Variants in LRRC4C observed in about 807,000 individuals in gnomAD.
The protein encoded by LRRC4C is leucine-rich repeat-containing protein 4C.
A neutral mutation model predicts 33.6 loss-of-function variants in LRRC4C; 5 were observed. The observed-to-expected ratio is 0.15, with a 90% confidence interval of 0.08 to 0.31. LRRC4C has a LOEUF of 0.31. Ranked by LOEUF, LRRC4C falls within the 10% of genes least tolerant of loss-of-function variation. The pLI is 1.00. For missense variants in LRRC4C, 560 were observed against 796.7 expected, an observed-to-expected ratio of 0.70 and a Z score of 3.58; for synonymous variants, 329 against 302.0, an observed-to-expected ratio of 1.09 and a Z score of -0.93.
chr11:40,154,434 A>G (rs947383722), intron 5 of LRRC4C, among the ~76,000 whole-genome samples: 3 of 152,172 alleles, frequency 2.0e-5, no homozygotes, highest in Non-Finnish European at 4.4e-5. Context: ...ATGGATAAGA[A>G]CTCACCAACC....
At chr11:41,444,957 C>T (rs1294496280) in intron 1 of LRRC4C, among the ~76,000 whole-genome samples, 1 of 152,076 alleles carries the variant, frequency 6.6e-6, no homozygotes, top group Non-Finnish European at 1.5e-5. Flanking sequence ...GCATGCATCA[C>T]CACGCCCGGC....
chr11:40,781,125 A>T (rs1950195226), intron 2 of LRRC4C, among the ~76,000 whole-genome samples: 1 of 152,142 alleles, frequency 6.6e-6, no homozygotes, highest in African/African-American at 2.4e-5. Context: ...TCCGTACAGC[A>T]TGTTACTGTG....
chr11:40,823,750 T>G (rs1952040915), intron 2 of LRRC4C, among the ~76,000 whole-genome samples: 1 of 151,870 alleles, frequency 6.6e-6, no homozygotes, highest in South Asian at 2.1e-4. Flanking sequence ...TGTAAAATGG[T>G]AAAGCTCCTT....
chr11:40,854,752 A>C, intron 2 of LRRC4C, among the ~76,000 whole-genome samples: 1 of 151,078 alleles, frequency 6.6e-6, no homozygotes, highest in South Asian at 2.1e-4. Flanking sequence ...AGAGTACATT[A>C]ATGTATATAT....
chr11:41,356,222 T>C (rs954645593), intron 1 of LRRC4C, among the ~76,000 whole-genome samples: 3 of 152,278 alleles, frequency 2.0e-5, no homozygotes, highest in South Asian at 2.1e-4. Flanking sequence ...AAAAAATGCA[T>C]ACAGCAAGTT....
chr11:40,733,624 CAGAT>C (rs1172017532), intron 2 of LRRC4C, among the ~76,000 whole-genome samples: 5 of 152,128 alleles, frequency 3.3e-5, no homozygotes, highest in Non-Finnish European at 4.4e-5. Context: ...TCTTAAATCT[CAGAT>C]AGAAAGTATG....
intron 3 of LRRC4C, among the ~76,000 whole-genome samples, chr11:40,589,986 G>T (rs1477344262): frequency 4.6e-5 from 7 of 151,556 alleles, no homozygotes. Context: ...GAGTATCTTT[G>T]TAGCGTTCTC....
chr11:41,293,671 C>G (rs915255466), intron 1 of LRRC4C, among the ~76,000 whole-genome samples: 3 of 152,006 alleles, frequency 2.0e-5, no homozygotes, highest in African/African-American at 7.3e-5. Flanking sequence ...GATCTTAGCT[C>G]ACTGCTAACT....
chr11:40,641,421 T>TTATATAGC (rs2136089364), intron 3 of LRRC4C, among the ~76,000 whole-genome samples: 1 of 152,278 alleles, frequency 6.6e-6, no homozygotes, highest in East Asian at 1.9e-4. Context: ...TCTATTTATT[T>TTATATAGC]TATAGCTCTA....
At chr11:40,400,802 A>G (rs1194845682) in intron 3 of LRRC4C, among the ~76,000 whole-genome samples, 1 of 152,136 alleles carries the variant, frequency 6.6e-6, no homozygotes, top group Non-Finnish European at 1.5e-5. Context: ...TTGGAATGTC[A>G]TTCCCTCCTC....
intron 3 of LRRC4C, among the ~76,000 whole-genome samples, chr11:40,479,946 C>T (rs1045410189): frequency 1.2e-4 from 18 of 152,216 alleles, no homozygotes; most frequent in Admixed American, 1.1e-3. Context: ...TCTATTATTC[C>T]TTGCTTCTAC....
chr11:41,321,014 C>T (rs1038758369), intron 1 of LRRC4C, among the ~76,000 whole-genome samples: 4 of 152,154 alleles, frequency 2.6e-5, no homozygotes, highest in African/African-American at 7.2e-5. Context: ...AGCAAGTTTC[C>T]TCATGTAGAG....
At chr11:40,335,298 C>A (rs1946546975) in intron 3 of LRRC4C, among the ~76,000 whole-genome samples, 1 of 151,960 alleles carries the variant, frequency 6.6e-6, no homozygotes, top group African/African-American at 2.4e-5. Context: ...AAAGACATAT[C>A]AAAAAATATA....
intron 2 of LRRC4C, among the ~76,000 whole-genome samples, chr11:40,863,049 A>G (rs1954180162): frequency 6.6e-6 from 1 of 152,224 alleles, no homozygotes; most frequent in South Asian, 2.1e-4. Context: ...GCAAGCACTG[A>G]AGGTTATCAT....
At chr11:41,113,618 T>C (rs889058862) in intron 1 of LRRC4C, among the ~76,000 whole-genome samples, 1 of 152,114 alleles carries the variant, frequency 6.6e-6, no homozygotes, top group African/African-American at 2.4e-5. Context: ...CAGACTGGGA[T>C]ACCTTGGCTG....
chr11:40,738,449 T>C (rs1200760370), intron 2 of LRRC4C, among the ~76,000 whole-genome samples: 1 of 152,156 alleles, frequency 6.6e-6, no homozygotes, highest in African/African-American at 2.4e-5. Context: ...AATGTCTCTC[T>C]AGAGGACTCT....
At chr11:41,268,592 T>A (rs1367291351) in intron 1 of LRRC4C, among the ~76,000 whole-genome samples, 1 of 152,158 alleles carries the variant, frequency 6.6e-6, no homozygotes, top group Non-Finnish European at 1.5e-5. Flanking sequence ...CACAGCACTT[T>A]TTTTGGATTA....
chr11:40,131,095 G>A (rs1856616801), intron 6 of LRRC4C, among the ~76,000 whole-genome samples: 3 of 152,168 alleles, frequency 2.0e-5, no homozygotes, highest in Admixed American at 2.0e-4. Context: ...ACAGAAACTG[G>A]TTGATATTTA....
At chr11:41,197,331 T>C (rs1416541752) in intron 1 of LRRC4C, among the ~76,000 whole-genome samples, 1 of 152,016 alleles carries the variant, frequency 6.6e-6, no homozygotes, top group Non-Finnish European at 1.5e-5. Context: ...TGGATTCTGA[T>C]GCCTATCCTG....
Sources: allele counts gnomAD v4.1 joint callset (sites outside exome capture counted in the v4.1 genomes callset), GRCh38; gene constraint gnomAD v4.1.1; transcripts MANE v1.5; gene names NCBI Gene and HGNC (gene_info 2026-07-23, HGNC 2026-07-21).